Variants in TXNRD1 observed in about 807,000 individuals in gnomAD.
The protein encoded by TXNRD1 is thioredoxin reductase 1, cytoplasmic.
A neutral mutation model predicts 80.3 loss-of-function variants in TXNRD1; 57 were observed. The observed-to-expected ratio is 0.71, with a 90% CI of 0.57 to 0.89. TXNRD1 has a LOEUF of 0.89. TXNRD1 is among the 40% of genes least tolerant of loss of function. The pLI, the probability that TXNRD1 is intolerant of heterozygous loss-of-function variation, is 0.00. For missense variants in TXNRD1, 730 were observed against 803.0 expected (o/e 0.91, Z 1.10); for synonymous variants, 291 against 285.2 (o/e 1.02, Z -0.20).
At chr12:104,266,599 G>A (rs1371214760) in intron 3 of TXNRD1, among the ~76,000 whole-genome samples, 1 of 151,388 alleles carries the variant, frequency 6.6e-6, no homozygotes, top group Non-Finnish European at 1.5e-5. Context: ...TTGTGAGGCC[G>A]AGGCAAGCGG....
intron 4 of TXNRD1, among the ~76,000 whole-genome samples, chr12:104,293,626 T>A (rs1235523890): frequency 2.0e-5 from 3 of 150,356 alleles, no homozygotes; most frequent in Admixed American, 2.0e-4. Context: ...TATTTTTGTA[T>A]TTTTTGTATA....
chr12:104,310,818 A>G (rs1348496059), intron 4 of TXNRD1, among the ~76,000 whole-genome samples: 1 of 152,242 alleles, frequency 6.6e-6, no homozygotes, highest in East Asian at 1.9e-4. Flanking sequence ...CATGCAGGTC[A>G]GTATCAATTG....
chr12:104,273,024 TTCAGTC>T (rs1407837536), intron 3 of TXNRD1, among the ~76,000 whole-genome samples: 2 of 151,998 alleles, frequency 1.3e-5, no homozygotes, highest in African/African-American at 4.8e-5. Flanking sequence ...ATAGATAATT[TTCAGTC>T]TCCGGCTGCG....
At chr12:104,235,965 C>G (rs76477100) in intron 1 of TXNRD1, among the ~76,000 whole-genome samples, 398 of 152,264 alleles carry the variant, frequency 2.6e-3, no homozygotes, top group African/African-American at 9.4e-3. Context: ...GTGGTGCCAG[C>G]TGATCCATCA....
intron 12 of TXNRD1, 103 bp from the exon 13 acceptor site, chr12:104,327,412 A>G (rs2035801969): frequency 4.2e-6 from 5 of 1,178,934 alleles, no homozygotes; most frequent in Non-Finnish European, 5.9e-6. Flanking sequence ...CATTGCCCTC[A>G]GCTAGAGTCA....
At chr12:104,272,660 C>T (rs1017586376) in intron 3 of TXNRD1, among the ~76,000 whole-genome samples, 1 of 151,764 alleles carries the variant, frequency 6.6e-6, no homozygotes, top group African/African-American at 2.4e-5. Context: ...GGCGTGGTGG[C>T]GGGCGCCTGT....
chr12:104,254,896 G>A (rs984137744), intron 2 of TXNRD1, among the ~76,000 whole-genome samples: 5 of 151,632 alleles, frequency 3.3e-5, no homozygotes, highest in African/African-American at 1.2e-4. Flanking sequence ...CTTGAGGCCA[G>A]GAGTTCAAGA....
intron 3 of TXNRD1, among the ~76,000 whole-genome samples, chr12:104,261,130 G>T (rs2033359403): frequency 6.6e-6 from 1 of 151,514 alleles, no homozygotes; most frequent in Non-Finnish European, 1.5e-5. Context: ...TGTCCCGGTG[G>T]TTCCCCAGTT....
chr12:104,337,282 C>T (rs1036285330), intron 15 of TXNRD1, among the ~76,000 whole-genome samples: 1 of 151,914 alleles, frequency 6.6e-6, no homozygotes, highest in African/African-American at 2.4e-5. Flanking sequence ...TATTACAGTC[C>T]TTTTGTCAAC....
chr12:104,309,758 G>A, intron 4 of TXNRD1: 2 of 1,522,958 alleles, frequency 1.3e-6, no homozygotes, highest in Non-Finnish European at 1.8e-6. Context: ...TTCCCCCACA[G>A]TGCTTTGTAT....
intron 1 of TXNRD1, among the ~76,000 whole-genome samples, chr12:104,226,876 G>A (rs1365332391): frequency 6.6e-6 from 1 of 152,044 alleles, no homozygotes; most frequent in Non-Finnish European, 1.5e-5. Context: ...TTTTTTTCCG[G>A]TCTTGGCTCC....
intron 4 of TXNRD1, among the ~76,000 whole-genome samples, chr12:104,294,233 G>GC (rs1555212585): frequency 0.12 from 8,452 of 68,690 alleles, 1,632 homozygotes; most frequent in East Asian, 0.38. Flanking sequence ...CCGGGGAAAG[G>GC]CCCCCCCCCC....
intron 1 of TXNRD1, among the ~76,000 whole-genome samples, chr12:104,245,517 CAAAA>C (rs10622971): frequency 3.1e-4 from 9 of 29,262 alleles, no homozygotes; most frequent in Admixed American, 7.4e-4. Context: ...AACTCCATCT[CAAAA>C]AAAAAAAAAA....
chr12:104,216,307 C>T (rs1205392366), intron 1 of TXNRD1, among the ~76,000 whole-genome samples: 7 of 152,380 alleles, frequency 4.6e-5, no homozygotes, highest in Non-Finnish European at 7.3e-5. Flanking sequence ...ACAGCCGAGT[C>T]CGGGGGTGCC....
chr12:104,323,426 G>A lies in TXNRD1; in HGVS notation c.1216-1911G>A, dbSNP rs1185536646. Among the ~76,000 whole-genome samples the A allele has an allele frequency of 7.0e-5, 10 of 143,160 alleles. 1 individual carries two copies. The highest frequency in any genetic ancestry group is 2.3e-4 in the African/African-American group (9 of 39,130). The allele number at this position is 143,160 out of a possible 152,430, so 93.9% of individuals were successfully genotyped here. A position where few individuals can be genotyped will look rare whatever the true frequency, so the allele number is the denominator to read the frequency against. ...GGGGCTGACCCCCCACCTCCCTCCCGGACGGGGCGGCTGGCCGGGCAGAGG... is the reference window on the plus strand; with the variant it reads ...GGGGCTGACCCCCCACCTCCCTCCCAGACGGGGCGGCTGGCCGGGCAGAGG... On this transcript the variant is annotated intron_variant, in intron 10 of 16. Coordinates refer to ENST00000525566, the MANE Select transcript of TXNRD1 (RefSeq NM_001093771.3).
At chr12:104,252,131 G>A (rs550704610) in intron 2 of TXNRD1, among the ~76,000 whole-genome samples, 1 of 151,780 alleles carries the variant, frequency 6.6e-6, no homozygotes, top group South Asian at 2.1e-4. Flanking sequence ...TGTAAAATGT[G>A]GATTTGATAA....
intron 16 of TXNRD1, among the ~76,000 whole-genome samples, 152 bp from the exon 17 acceptor site, chr12:104,348,201 T>C (rs948869300): frequency 2.0e-5 from 3 of 152,210 alleles, no homozygotes; most frequent in African/African-American, 7.2e-5. Flanking sequence ...TCTGGAGAAA[T>C]AGAAGATATC....
intron 3 of TXNRD1, among the ~76,000 whole-genome samples, chr12:104,274,514 G>A (rs1420728206): frequency 4.6e-5 from 7 of 151,930 alleles, no homozygotes; most frequent in Non-Finnish European, 7.4e-5. Context: ...TGGGCAACAC[G>A]GTGAAACCCT....
intron 4 of TXNRD1, chr12:104,309,680 G>T: frequency 1.9e-6 from 2 of 1,026,392 alleles, no homozygotes; most frequent in Non-Finnish European, 2.8e-6. Context: ...GACCCAGTAG[G>T]GAGTCACACT....
Sources: gnomAD v4.1 joint callset for allele counts (sites outside exome capture counted in the v4.1 genomes callset) on GRCh38, gnomAD v4.1.1 for gene constraint, MANE v1.5 for transcripts, NCBI Gene and HGNC (gene_info 2026-07-23, HGNC 2026-07-21) for gene names.